MYO9A: variants seen among roughly 807,000 people sequenced by gnomAD.
MYO9A encodes the protein unconventional myosin-IXa.
Under a neutral mutation model 293.3 loss-of-function variants are expected in MYO9A, and 103 were observed. That is an observed-to-expected ratio of 0.35 (90% CI 0.30 to 0.41). The LOEUF (loss-of-function observed/expected upper bound fraction) is 0.41, where lower values mean the gene tolerates loss of function less well. Ranked by LOEUF, MYO9A falls within the 10% of genes least tolerant of loss-of-function variation. The pLI is 1.00. For synonymous variants in MYO9A, 1,001 were observed against 1,035.7 expected (o/e 0.97, Z 0.64); for missense variants, 2,685 against 3,033.0 (o/e 0.89, Z 2.69).
chr15:71,963,472 G>C (rs1305997927), intron 13 of MYO9A, among the ~76,000 whole-genome samples: 2 of 151,556 alleles, frequency 1.3e-5, no homozygotes, highest in Non-Finnish European at 2.9e-5. Flanking sequence ...TTTAGAGACA[G>C]AGTTTCGCTC....
chr15:71,985,902 C>T lies in MYO9A; in HGVS notation c.1722+5201G>A, dbSNP rs115188549. On this transcript the variant is annotated intron_variant, in intron 11 of 41. Coordinates refer to ENST00000356056, the MANE Select transcript of MYO9A (RefSeq NM_006901.4). ...ATGAGCTCCTCAAATAAGATCCCTG[C>T]ACTCTAAATTTTCTATCTTCTATGC... is the stretch of plus-strand genomic sequence containing the variant. Among the ~76,000 whole-genome samples, 945 of 152,288 alleles carry T rather than the reference C, an allele frequency of 6.2e-3. 10 individuals are homozygous for T. The highest frequency in any genetic ancestry group is 0.022 in the African/African-American group (900 of 41,554).
At chr15:72,083,935 T>C (rs761711924) in intron 1 of MYO9A, among the ~76,000 whole-genome samples, 5 of 152,350 alleles carry the variant, frequency 3.3e-5, no homozygotes, top group Middle Eastern at 6.8e-3. Context: ...TTTCAGAGTA[T>C]GTGCCATGTG....
chr15:71,970,960 C>A (rs540730992), intron 12 of MYO9A, among the ~76,000 whole-genome samples: 25 of 151,696 alleles, frequency 1.6e-4, no homozygotes, highest in Non-Finnish European at 3.2e-4. Context: ...AGGTCGAGAC[C>A]ATCCTGGCTA....
At chr15:72,005,890 T>A (rs1433555870) in intron 8 of MYO9A, among the ~76,000 whole-genome samples, 1 of 152,236 alleles carries the variant, frequency 6.6e-6, no homozygotes, top group Non-Finnish European at 1.5e-5. Context: ...TGAAGTGGCC[T>A]ATGAACCAAG....
At chr15:72,075,429 G>T (rs2079320311) in intron 1 of MYO9A, among the ~76,000 whole-genome samples, 1 of 151,722 alleles carries the variant, frequency 6.6e-6, no homozygotes, top group South Asian at 2.1e-4. Flanking sequence ...AAAAATATAT[G>T]ATATTATTAT....
In MYO9A at chr15:71,904,051, G is replaced by T; in HGVS notation, c.2767-12C>A. 6.3e-7 allele frequency: 1 copy of T among 1,596,474 alleles called. No homozygotes were observed. On this transcript the variant is annotated splice_polypyrimidine_tract_variant and intron_variant, in intron 20 of 41. Coordinates refer to ENST00000356056, the MANE Select transcript of MYO9A (RefSeq NM_006901.4). ...AACCTTAAGGGCAGCTAAAGCAAAT[G>T]GAAAAAAGATTAACCCAGAACAGTA... is the stretch of plus-strand genomic sequence containing the variant.
At chr15:71,973,111 G>C (rs1291090671) in intron 12 of MYO9A, among the ~76,000 whole-genome samples, 4 of 152,130 alleles carry the variant, frequency 2.6e-5, no homozygotes, top group Non-Finnish European at 4.4e-5. Flanking sequence ...TTGAGCTCAG[G>C]CTGCTGGCCT....
chr15:71,952,909 T>C (rs1399608988), intron 14 of MYO9A, among the ~76,000 whole-genome samples: 1 of 152,180 alleles, frequency 6.6e-6, no homozygotes, highest in East Asian at 1.9e-4. Flanking sequence ...AAGAGGTTTG[T>C]AGGGCATATT....
intron 39 of MYO9A, among the ~76,000 whole-genome samples, chr15:71,840,129 T>C (rs572626370): frequency 3.9e-5 from 6 of 152,242 alleles, no homozygotes; most frequent in Non-Finnish European, 8.8e-5. Context: ...TAGGAAGTCA[T>C]ATATTTCCAA....
intron 12 of MYO9A, chr15:71,972,285 T>TC (rs1334947693): frequency 6.6e-6 from 1 of 152,052 alleles, no homozygotes; most frequent in Non-Finnish European, 1.5e-5. Flanking sequence ...CTCTACTCCT[T>TC]CCCCCATACC....
At chr15:71,972,938 A>G (rs573737472) in intron 12 of MYO9A, among the ~76,000 whole-genome samples, 10 of 152,342 alleles carry the variant, frequency 6.6e-5, no homozygotes, top group African/African-American at 2.4e-4. Flanking sequence ...ATGCAAACTA[A>G]TAAGAAAAAA....
intron 10 of MYO9A, among the ~76,000 whole-genome samples, chr15:71,994,268 G>A (rs375140078): frequency 1.4e-4 from 21 of 152,144 alleles, no homozygotes; most frequent in African/African-American, 4.6e-4. Flanking sequence ...GAATATACAC[G>A]TTCGGGAGGT....
intron 18 of MYO9A, among the ~76,000 whole-genome samples, chr15:71,926,654 C>T (rs1448618064): frequency 1.3e-5 from 2 of 152,172 alleles, no homozygotes; most frequent in African/African-American, 2.4e-5. Flanking sequence ...CTGCAGTGAG[C>T]CACGATCGTA....
rs142546832 is a variant in MYO9A at position 71,878,137 on chromosome 15, A to G, written c.5834T>C (p.Leu1945Pro). The G allele has an allele frequency of 7.2e-5, 116 of 1,612,308 alleles. 1 individual carries two copies. The East Asian group carries it at 2.5e-3, about 35-fold the overall frequency. ...KTMRLEQRDS[L>P]GESPVRVWVN... ...CCAAACTCTCACTGGAGATTCACCC[A>G]GTGAATCACGCTGCTCAAGCCTCAT... Residue 1945 changes from leucine to proline, a missense_variant, in exon 31 of 42, where the codon CTG (leucine) becomes CCG (proline). Physicochemically the swap from Leu to Pro is moderately conservative, Grantham distance 98. Transcript: ENST00000356056.
chr15:71,917,961 C>T (rs1253047459), intron 18 of MYO9A, among the ~76,000 whole-genome samples: 1 of 151,720 alleles, frequency 6.6e-6, no homozygotes, highest in East Asian at 1.9e-4. Flanking sequence ...AATGAAAAGG[C>T]TTATCATCTG....
intron 1 of MYO9A, among the ~76,000 whole-genome samples, chr15:72,115,078 A>G (rs1210058445): frequency 6.6e-6 from 1 of 152,238 alleles, no homozygotes; most frequent in Non-Finnish European, 1.5e-5. Flanking sequence ...TAACTAAGGG[A>G]AAACAACTGT....
At chr15:71,970,567 A>G (rs576552168) in intron 12 of MYO9A, among the ~76,000 whole-genome samples, 1 of 152,220 alleles carries the variant, frequency 6.6e-6, no homozygotes, top group South Asian at 2.1e-4. Flanking sequence ...AGAGAAAAAA[A>G]TATTTCATGC....
intron 1 of MYO9A, among the ~76,000 whole-genome samples, chr15:72,078,051 C>T (rs2079425728): frequency 6.6e-6 from 1 of 152,102 alleles, no homozygotes; most frequent in African/African-American, 2.4e-5. Flanking sequence ...TGTGGAATTA[C>T]AGGAACTCTC....
Position 71,826,623 on chromosome 15 carries a change from T to C in MYO9A, c.7604A>G (p.Asn2535Ser), listed in dbSNP as rs763542980. 31 of 1,609,318 alleles carry C rather than the reference T, an allele frequency of 1.9e-5. No individual in the cohort carries two copies. The highest frequency in any genetic ancestry group is 1.3e-4 in the African/African-American group (10 of 74,258). ...ATTTCCAAAGAGTGCTAGCTGTTGG[T>C]TGGAGGTGCAGTCTGGGTCCACAGT... ...RKTVDPDCTS[N>S]QQLALFGNNE... Residue 2535 changes from asparagine (N) to serine (S), a missense_variant, in exon 42 of 42, where the codon AAC becomes AGC. Physicochemically the swap from Asn to Ser is conservative, Grantham distance 46 (BLOSUM62 1). This residue lies in a region of MYO9A where 350 missense variants were observed against 328.9 expected (regional missense o/e 1.06). Coordinates refer to ENST00000356056, the MANE Select transcript of MYO9A (RefSeq NM_006901.4).
Sources: allele counts gnomAD v4.1 joint callset (sites outside exome capture counted in the v4.1 genomes callset), GRCh38; gene constraint gnomAD v4.1.1; regional missense constraint gnomAD v4.1.1; transcripts MANE v1.5; gene names NCBI Gene and HGNC (gene_info 2026-07-23, HGNC 2026-07-21).